RTN4RL1: variants seen among roughly 807,000 people sequenced by gnomAD.
The protein encoded by RTN4RL1 is reticulon 4 receptor like 1.
A neutral mutation model predicts 25.6 loss-of-function variants in RTN4RL1; 7 were observed. The ratio of observed to expected loss-of-function variants is 0.27; its 90% CI spans 0.16 to 0.51. The LOEUF (loss-of-function observed/expected upper bound fraction) is 0.51. RTN4RL1 is among the 20% of genes least tolerant of loss of function. The pLI, the probability that RTN4RL1 is intolerant of heterozygous loss-of-function variation, is 0.97. For synonymous variants in RTN4RL1, 297 were observed against 288.2 expected (o/e 1.03, Z -0.31); for missense variants, 500 against 615.6 (o/e 0.81, Z 1.99).
At chr17:1,979,209 G>C (rs564923999) in intron 1 of RTN4RL1, among the ~76,000 whole-genome samples, 1 of 152,326 alleles carries the variant, frequency 6.6e-6, no homozygotes, top group African/African-American at 2.4e-5. Context: ...GAAAGCAAAG[G>C]TTGCAGTGAG....
At chr17:2,007,142 A>T (rs946796000) in intron 1 of RTN4RL1, among the ~76,000 whole-genome samples, 32 of 152,026 alleles carry the variant, frequency 2.1e-4, no homozygotes. Flanking sequence ...GAAAGTCTAC[A>T]AATACATCAA....
chr17:1,959,728 C>A (rs1269589322), intron 1 of RTN4RL1, among the ~76,000 whole-genome samples: 1 of 152,192 alleles, frequency 6.6e-6, no homozygotes, highest in Non-Finnish European at 1.5e-5. Flanking sequence ...CCACGCCCAG[C>A]TAATTTTTGT....
intron 1 of RTN4RL1, among the ~76,000 whole-genome samples, chr17:1,983,446 G>A (rs775623610): frequency 2.6e-5 from 4 of 152,190 alleles, no homozygotes; most frequent in Admixed American, 6.5e-5. Context: ...TTCCCAAGAC[G>A]CTGCACCTAA....
chr17:1,999,094 T>TCACACA (rs59609042), intron 1 of RTN4RL1, among the ~76,000 whole-genome samples: 17,645 of 147,218 alleles, frequency 0.12, 1,119 homozygotes, highest in South Asian at 0.15. Flanking sequence ...ACATGCGCGA[T>TCACACA]CACACACACA....
chr17:2,006,158 ATTT>A (rs781005282), intron 1 of RTN4RL1, among the ~76,000 whole-genome samples: 3 of 124,432 alleles, frequency 2.4e-5, no homozygotes, highest in Non-Finnish European at 3.5e-5. Context: ...GAGGTTTGCA[ATTT>A]TTTTTTTTTT....
intron 1 of RTN4RL1, among the ~76,000 whole-genome samples, chr17:2,000,987 G>A (rs766912940): frequency 6.6e-6 from 1 of 152,054 alleles, no homozygotes; most frequent in Non-Finnish European, 1.5e-5. Context: ...AATAGGAGAC[G>A]TGACAGGCTG....
At chr17:1,939,182 C>A (rs1293458765) in intron 1 of RTN4RL1, among the ~76,000 whole-genome samples, 1 of 151,606 alleles carries the variant, frequency 6.6e-6, no homozygotes, top group African/African-American at 2.4e-5. Context: ...GAAACCCCGT[C>A]TCTACTAAAA....
At chr17:1,961,620 C>G (rs952121071) in intron 1 of RTN4RL1, among the ~76,000 whole-genome samples, 3 of 151,852 alleles carry the variant, frequency 2.0e-5, no homozygotes, top group Non-Finnish European at 2.9e-5. Flanking sequence ...CTGGACACCC[C>G]ACAGACACAA....
chr17:1,979,732 G>A (rs2066859003), intron 1 of RTN4RL1, among the ~76,000 whole-genome samples: 1 of 152,186 alleles, frequency 6.6e-6, no homozygotes, highest in Non-Finnish European at 1.5e-5. Flanking sequence ...GACAGAAAAG[G>A]GGAAAAAACA....
chr17:2,007,337 A>AACACACACACACACACACACACAC (rs34669886), intron 1 of RTN4RL1, among the ~76,000 whole-genome samples: 25 of 140,404 alleles, frequency 1.8e-4, no homozygotes, highest in African/African-American at 4.6e-4. Flanking sequence ...TCACAGCCCC[A>AACACACACACACACACACACACAC]ACACACACAC....
At chr17:1,982,022 C>A (rs759488350) in intron 1 of RTN4RL1, among the ~76,000 whole-genome samples, 2 of 152,178 alleles carry the variant, frequency 1.3e-5, no homozygotes, top group Non-Finnish European at 1.5e-5. Flanking sequence ...TGAAACTGGC[C>A]GGCACGGTGG....
In RTN4RL1 at chr17:1,994,574, A is replaced by G. The variant is rs1393825658; in HGVS notation, c.13+30279T>C. 6.6e-6 allele frequency among the ~76,000 whole-genome samples: 1 copy of G among 152,194 alleles called. No homozygotes were observed. Among genetic ancestry groups the G allele is most frequent in the Non-Finnish European group, 1.5e-5 (1 of 68,032 alleles). ...CCACAATTTGGGAGAAGGTCCTGCC[A>G]CTACCTAACTTCACAGAAGGCAGAG... On this transcript the variant is annotated intron_variant, in intron 1 of 1. Transcript: ENST00000331238. This position sits in a 1 kb window ranked among gnomAD's most constrained non-coding sequence, Gnocchi z 4.3.
At chr17:1,969,692 C>T (rs1430240225) in intron 1 of RTN4RL1, among the ~76,000 whole-genome samples, 1 of 152,184 alleles carries the variant, frequency 6.6e-6, no homozygotes, top group African/African-American at 2.4e-5. Context: ...GCTATAAAAG[C>T]TCTGAATAAG....
chr17:1,946,703 C>G (rs1256649806), intron 1 of RTN4RL1, among the ~76,000 whole-genome samples: 1 of 130,396 alleles, frequency 7.7e-6, no homozygotes, highest in African/African-American at 3.0e-5. Context: ...TGTGTGTGCA[C>G]GGGGTCTGTG....
intron 1 of RTN4RL1, among the ~76,000 whole-genome samples, chr17:1,988,506 CA>C (rs777393625): frequency 1.3e-3 from 104 of 80,446 alleles, no homozygotes; most frequent in Middle Eastern, 7.1e-3. Flanking sequence ...GACTCTGTCT[CA>C]AAAAAAAAAA....
At chr17:1,992,068 GAA>G (rs35415164) in intron 1 of RTN4RL1, among the ~76,000 whole-genome samples, 34,565 of 151,954 alleles carry the variant, frequency 0.23, 4,093 homozygotes, top group Admixed American at 0.26. Flanking sequence ...ACTGCATGCA[GAA>G]AAAGAGTCCT....
rs964219146 is a variant in RTN4RL1, at chr17:1,953,414, T to C, written c.14-15606A>G. Among the ~76,000 whole-genome samples the C allele has an allele frequency of 6.6e-5, 10 of 151,756 alleles. No individual in the cohort carries two copies. The East Asian group carries it at 9.7e-4, about 15-fold the overall frequency. The stretch of plus-strand genomic sequence containing the variant: ...CGAGATCCCGTCTCAAAAATTAAAA[T>C]TGGGGGGAGGGATAGCATTAGGAGA... On this transcript the variant is annotated intron_variant, in intron 1 of 1. Coordinates refer to ENST00000331238, the MANE Select transcript of RTN4RL1 (RefSeq NM_178568.4).
intron 1 of RTN4RL1, among the ~76,000 whole-genome samples, chr17:1,993,163 G>A (rs1336964203): frequency 2.6e-5 from 4 of 152,112 alleles, no homozygotes; most frequent in African/African-American, 9.7e-5. Flanking sequence ...CAGGAGAATC[G>A]CTTGAACCTG....
rs764604442 is a variant in RTN4RL1, at chr17:1,991,446, T to TAAAA, written c.13+33403_13+33406dup. On this transcript the variant is annotated intron_variant, in intron 1 of 1. Transcript: ENST00000331238. ...TCGAAAAGATAATACATGCACATAG[T>TAAAA]AAAAAAAAAAAAAAAAACAAAAAAA... Among the ~76,000 whole-genome samples, 260 of 31,188 alleles carry TAAAA rather than the reference T, an allele frequency of 8.3e-3. 6 individuals carry two copies. Among genetic ancestry groups the TAAAA allele is most frequent in the African/African-American group, 0.03 (249 of 8,276 alleles). The allele number at this position is 31,188 out of a possible 152,430, so 20.5% of individuals were successfully genotyped here. A position where few individuals can be genotyped will look rare whatever the true frequency, so the allele number is the denominator to read the frequency against.
Sources: allele counts gnomAD v4.1 joint callset (sites outside exome capture counted in the v4.1 genomes callset), GRCh38; gene constraint gnomAD v4.1.1; non-coding constraint Gnocchi (gnomAD v3.1); transcripts MANE v1.5; gene names NCBI Gene and HGNC (gene_info 2026-07-23, HGNC 2026-07-21).